GRIK2: variants seen among roughly 807,000 people sequenced by gnomAD.
GRIK2 encodes the protein glutamate ionotropic receptor kainate type subunit 2, also known as glutamate receptor ionotropic, kainate 2.
GRIK2 carries 32 observed loss-of-function variants against 100.3 expected under a neutral mutation model. The observed-to-expected ratio is 0.32, with a 90% CI of 0.24 to 0.43. The LOEUF (loss-of-function observed/expected upper bound fraction) is 0.43. GRIK2 is among the 20% of genes least tolerant of loss of function. The pLI, the probability that GRIK2 is intolerant of heterozygous loss-of-function variation, is 1.00. For missense variants in GRIK2, 843 were observed against 1,114.9 expected, an observed-to-expected ratio of 0.76 and a Z score of 3.47; for synonymous variants, 417 against 389.4, an observed-to-expected ratio of 1.07 and a Z score of -0.83.
At position 101,421,368 on chromosome 6, in the gene GRIK2, G is replaced by A. The variant is rs559080057; in HGVS notation, c.115+21976G>A. The stretch of plus-strand genomic sequence containing the variant: ...GTAGAAGTTGGCTTAGGGTTTACTC[G>A]CACGGAAGAAAGAGGAGGAAGCAGG... On this transcript the variant is annotated intron_variant, in intron 2 of 16. Transcript: ENST00000369134. Among the ~76,000 whole-genome samples the A allele has an allele frequency of 7.2e-5, 11 of 152,306 alleles. No homozygotes were observed. The South Asian group carries it at 1.4e-3, about 20-fold the overall frequency.
intron 1 of GRIK2, among the ~76,000 whole-genome samples, chr6:101,395,069 T>A (rs987638082): frequency 6.6e-6 from 1 of 152,240 alleles, no homozygotes; most frequent in African/African-American, 2.4e-5. Flanking sequence ...TGCAGCAGAA[T>A]GTTGCTGGAA....
At position 102,023,948 on chromosome 6, in the gene GRIK2, G is replaced by A. The variant is rs1010938268; in HGVS notation, c.2086-11393G>A. ...TTGTAAGACTGTAGGTCTTTAATGC[G>A]CATGAGGCTCCAGTGGGATTGGAAA... On this transcript the variant is annotated intron_variant, in intron 14 of 16. Coordinates refer to ENST00000369134, the MANE Select transcript of GRIK2 (RefSeq NM_021956.5). Among the ~76,000 whole-genome samples, 6 of 151,266 alleles carry A rather than the reference G, an allele frequency of 4.0e-5. No homozygotes were observed. In the East Asian group the frequency reaches 5.9e-4, roughly 15 times the overall value.
chr6:101,785,602 T>C (rs1779371834), intron 7 of GRIK2, among the ~76,000 whole-genome samples: 1 of 152,068 alleles, frequency 6.6e-6, no homozygotes, highest in South Asian at 2.1e-4. Context: ...TATTCTTGGC[T>C]CCTTTTCAAA....
At chr6:101,773,299 T>C (rs987338687) in intron 7 of GRIK2, among the ~76,000 whole-genome samples, 3 of 151,776 alleles carry the variant, frequency 2.0e-5, no homozygotes, top group Non-Finnish European at 2.9e-5. Context: ...GCTAACATGG[T>C]GAAACCCCAT....
chr6:101,885,627 T>A (rs1049933310), intron 11 of GRIK2, among the ~76,000 whole-genome samples: 2 of 152,140 alleles, frequency 1.3e-5, no homozygotes, highest in South Asian at 4.1e-4. Flanking sequence ...ACTATGATAT[T>A]CATTTTTCTT....
chr6:101,743,307 A>G (rs1163481363), intron 7 of GRIK2, among the ~76,000 whole-genome samples: 1 of 152,190 alleles, frequency 6.6e-6, no homozygotes, highest in African/African-American at 2.4e-5. Flanking sequence ...TCGCTTAGCT[A>G]TGTGACTTTT....
chr6:101,433,589 A>G (rs541888606), intron 2 of GRIK2, among the ~76,000 whole-genome samples: 2 of 151,988 alleles, frequency 1.3e-5, no homozygotes, highest in African/African-American at 4.8e-5. Context: ...TCTAAAAATT[A>G]TCTTTATTTT....
chr6:101,997,933 C>T (rs1425225913), intron 14 of GRIK2, among the ~76,000 whole-genome samples: 1 of 151,974 alleles, frequency 6.6e-6, no homozygotes, highest in Non-Finnish European at 1.5e-5. Flanking sequence ...TTTTAGCTTT[C>T]AGATTTATTG....
At chr6:101,932,589 T>G (rs1790360614) in intron 14 of GRIK2, among the ~76,000 whole-genome samples, 1 of 151,906 alleles carries the variant, frequency 6.6e-6, no homozygotes, top group Admixed American at 6.6e-5. Context: ...AAGTTTTTTT[T>G]TTTTAAACTT....
intron 2 of GRIK2, among the ~76,000 whole-genome samples, chr6:101,421,186 CAAGT>C (rs774817253): frequency 6.6e-6 from 1 of 152,168 alleles, no homozygotes; most frequent in Non-Finnish European, 1.5e-5. Context: ...ACTAGCTGGC[CAAGT>C]AGATACTGAT....
intron 14 of GRIK2, among the ~76,000 whole-genome samples, chr6:101,929,333 A>G (rs1790113630): frequency 6.6e-6 from 1 of 152,130 alleles, no homozygotes; most frequent in African/African-American, 2.4e-5. Context: ...TTAGGTAGCT[A>G]TTACCACTTT....
At chr6:101,995,583 T>C (rs1794608074) in intron 14 of GRIK2, among the ~76,000 whole-genome samples, 1 of 151,986 alleles carries the variant, frequency 6.6e-6, no homozygotes, top group Admixed American at 6.6e-5. Context: ...CTTTTCAAAA[T>C]AGATCATTAT....
At position 101,468,816 on chromosome 6, in the gene GRIK2, T is replaced by A. The variant is rs996008510; in HGVS notation, c.115+69424T>A. Among the ~76,000 whole-genome samples the A allele has an allele frequency of 2.0e-5, 3 of 152,174 alleles. No individual in the cohort carries two copies. In the East Asian group the frequency reaches 5.8e-4, roughly 29 times the overall value. On this transcript the variant is annotated intron_variant, in intron 2 of 16. Transcript: ENST00000369134. ...AATCAAGAGAGAAAACTTCAATATA[T>A]GTTATAAGGTTCCTCATGATAATAA...
At chr6:102,061,751 T>C (rs775584940) in intron 16 of GRIK2, among the ~76,000 whole-genome samples, 3 of 150,548 alleles carry the variant, frequency 2.0e-5, no homozygotes, top group Non-Finnish European at 4.5e-5. Context: ...ATTAAGATAG[T>C]TAATATACAT....
chr6:101,876,484 A>AACAGACACACACAC (rs368176541), intron 11 of GRIK2, among the ~76,000 whole-genome samples: 22 of 148,916 alleles, frequency 1.5e-4, no homozygotes, highest in African/African-American at 5.5e-4. Context: ...AACAAAAACA[A>AACAGACACACACAC]ACACACACAC....
chr6:101,653,129 C>G (rs898202485), intron 4 of GRIK2, among the ~76,000 whole-genome samples: 1 of 152,106 alleles, frequency 6.6e-6, no homozygotes, highest in African/African-American at 2.4e-5. Context: ...GAAAGTAGAG[C>G]CTGCCCATGG....
At chr6:101,887,734 A>AG in intron 11 of GRIK2, among the ~76,000 whole-genome samples, 1 of 152,166 alleles carries the variant, frequency 6.6e-6, no homozygotes, top group East Asian at 1.9e-4. Context: ...GAGAGGGGGA[A>AG]GGGGGAAGGG....
At chr6:101,842,291 A>T (rs1783559202) in intron 10 of GRIK2, among the ~76,000 whole-genome samples, 1 of 151,720 alleles carries the variant, frequency 6.6e-6, no homozygotes, top group Admixed American at 6.6e-5. Context: ...CTCTCAATTC[A>T]TTTCTCTTGC....
intron 14 of GRIK2, among the ~76,000 whole-genome samples, chr6:101,947,492 G>A (rs1791353411): frequency 6.6e-6 from 1 of 152,054 alleles, no homozygotes; most frequent in Non-Finnish European, 1.5e-5. Context: ...TATAAAACAA[G>A]TATTTTTTAA....
Sources: allele counts gnomAD v4.1 joint callset (sites outside exome capture counted in the v4.1 genomes callset), GRCh38; gene constraint gnomAD v4.1.1; transcripts MANE v1.5; gene names NCBI Gene and HGNC (gene_info 2026-07-23, HGNC 2026-07-21).